SLC35F3: variants seen among roughly 807,000 people sequenced by gnomAD.
The protein encoded by SLC35F3 is putative thiamine transporter SLC35F3.
In SLC35F3, 25 loss-of-function variants were observed where a neutral mutation model predicts 49.9. The ratio of observed to expected loss-of-function variants is 0.50; its 90% CI spans 0.37 to 0.70. SLC35F3 has a LOEUF of 0.70. SLC35F3 is among the 30% of genes least tolerant of loss of function. SLC35F3 has a pLI of 0.00. For missense variants in SLC35F3, 525 were observed against 639.8 expected (o/e 0.82, Z 1.94); for synonymous variants, 275 against 265.4 (o/e 1.04, Z -0.35).
At position 233,904,789 on chromosome 1, in the gene SLC35F3, G is replaced by C. The variant is rs1226915313; in HGVS notation, c.-289G>C. On this transcript the variant is annotated 5_prime_UTR_variant, in exon 1 of 8. Coordinates refer to ENST00000366618, the MANE Select transcript of SLC35F3 (RefSeq NM_173508.4). ...GTGCTAGGGCGGCGGCGACGGTGAC[G>C]GGCGTGGGGCGCGGCGCTGCCTCGG... 1.2e-5 allele frequency: 2 copies of C among 161,782 alleles called. No homozygotes were observed. The highest frequency in any genetic ancestry group is 2.7e-5 in the Non-Finnish European group (2 of 74,998). The allele number at this position is 161,782 out of a possible 1,614,324, so 10.0% of individuals were successfully genotyped here. A position where few individuals can be genotyped will look rare whatever the true frequency, so the allele number is the denominator to read the frequency against.
At chr1:234,021,795 C>T (rs1198439569) in intron 2 of SLC35F3, among the ~76,000 whole-genome samples, 1 of 152,146 alleles carries the variant, frequency 6.6e-6, no homozygotes, top group African/African-American at 2.4e-5. Context: ...TAATTTCCCC[C>T]CATCTTAGGA....
At position 233,906,383 on chromosome 1, in the gene SLC35F3, C is replaced by T. The variant is rs61235200; in HGVS notation, c.283+625C>T. 3.8e-3 allele frequency among the ~76,000 whole-genome samples: 575 copies of T among 152,214 alleles called. 32 individuals carry two copies. The East Asian group carries it at 0.092, about 24-fold the overall frequency. On this transcript the variant is annotated intron_variant, in intron 2 of 7. Coordinates refer to ENST00000366618, the MANE Select transcript of SLC35F3 (RefSeq NM_173508.4). Reference sequence around the variant, plus strand: ...GGAGAAGCTGAAATGTTTTTCTTTCCGTGGGTCCTAGCTAATGGCTTTGAG... The same window carrying T: ...GGAGAAGCTGAAATGTTTTTCTTTCTGTGGGTCCTAGCTAATGGCTTTGAG...
chr1:234,322,715 C>G (rs1657654124), intron 7 of SLC35F3, among the ~76,000 whole-genome samples: 1 of 151,084 alleles, frequency 6.6e-6, no homozygotes, highest in Non-Finnish European at 1.5e-5. Flanking sequence ...CCTCAACTGC[C>G]CTTCATTCAC....
intron 2 of SLC35F3, among the ~76,000 whole-genome samples, chr1:234,038,496 G>A (rs1664176694): frequency 6.6e-6 from 1 of 151,914 alleles, no homozygotes; most frequent in Admixed American, 6.6e-5. Flanking sequence ...GGATGGCTGG[G>A]TCAAATGGTA....
At chr1:233,955,157 G>GA (rs538734310) in intron 2 of SLC35F3, among the ~76,000 whole-genome samples, 106 of 152,106 alleles carry the variant, frequency 7.0e-4, no homozygotes, top group African/African-American at 1.2e-3. Context: ...CTTCTTATGT[G>GA]AAAAAAATCA....
intron 3 of SLC35F3, among the ~76,000 whole-genome samples, chr1:234,250,479 C>G (rs1189340726): frequency 1.3e-5 from 2 of 151,682 alleles, no homozygotes; most frequent in Non-Finnish European, 2.9e-5. Context: ...ACGGTGAAAC[C>G]CCGTCTCTAC....
intron 2 of SLC35F3, among the ~76,000 whole-genome samples, chr1:234,162,420 A>G (rs1180043030): frequency 6.7e-6 from 1 of 149,012 alleles, no homozygotes; most frequent in East Asian, 2.0e-4. Flanking sequence ...AGCAATCTTT[A>G]ACAGAAGGTG....
chr1:233,966,493 C>A (rs1367129281), intron 2 of SLC35F3, among the ~76,000 whole-genome samples: 1 of 152,074 alleles, frequency 6.6e-6, no homozygotes, highest in African/African-American at 2.4e-5. Context: ...AATCAGATTT[C>A]ATCTGGATGG....
At chr1:234,206,395 C>T (rs1371903500) in intron 2 of SLC35F3, among the ~76,000 whole-genome samples, 2 of 149,896 alleles carry the variant, frequency 1.3e-5, no homozygotes, top group Non-Finnish European at 3.0e-5. Context: ...CAGAGGCATC[C>T]GGCACCCAAA....
chr1:234,068,263 A>C (rs935799813), intron 2 of SLC35F3, among the ~76,000 whole-genome samples: 1 of 152,200 alleles, frequency 6.6e-6, no homozygotes, highest in East Asian at 1.9e-4. Context: ...ACGCACCTCA[A>C]ACTTTCAGAA....
chr1:234,144,719 G>A (rs1255004966), intron 2 of SLC35F3, among the ~76,000 whole-genome samples: 1 of 152,186 alleles, frequency 6.6e-6, no homozygotes, highest in African/African-American at 2.4e-5. Context: ...TGGGGATACA[G>A]AGATGAATAA....
chr1:234,293,620 T>A (rs541966478), intron 3 of SLC35F3, among the ~76,000 whole-genome samples: 4 of 150,992 alleles, frequency 2.6e-5, no homozygotes, highest in African/African-American at 9.8e-5. Context: ...GGTCTGGATG[T>A]AGGCAGTTCT....
chr1:234,172,238 C>CTATT (rs1213238188), intron 2 of SLC35F3, among the ~76,000 whole-genome samples: 11 of 152,122 alleles, frequency 7.2e-5, no homozygotes, highest in Non-Finnish European at 1.3e-4. Flanking sequence ...TATTTTTTAA[C>CTATT]TATTTATTTA....
At chr1:234,069,014 C>CTACATATAATATATAAAATTATATAATTT (rs2102866681) in intron 2 of SLC35F3, among the ~76,000 whole-genome samples, 1 of 46,894 alleles carries the variant, frequency 2.1e-5, no homozygotes, top group African/African-American at 9.3e-5. Context: ...TATAATTTTA[C>CTACATATAATATATAAAATTATATAATTT]TATATATAAT....
intron 2 of SLC35F3, among the ~76,000 whole-genome samples, chr1:233,963,523 G>A (rs57642578): frequency 0.027 from 4,079 of 151,996 alleles, 175 homozygotes; most frequent in African/African-American, 0.091. Flanking sequence ...GGATGGTCTC[G>A]ATCTCCTGAT....
intron 2 of SLC35F3, among the ~76,000 whole-genome samples, chr1:233,991,532 A>G (rs986329608): frequency 3.9e-5 from 6 of 152,164 alleles, no homozygotes; most frequent in Admixed American, 1.3e-4. Context: ...AGAGTGTTCA[A>G]TTCCTCCTTT....
At chr1:234,080,495 A>T (rs1419343180) in intron 2 of SLC35F3, among the ~76,000 whole-genome samples, 3 of 152,212 alleles carry the variant, frequency 2.0e-5, no homozygotes, top group Non-Finnish European at 4.4e-5. Flanking sequence ...CCAACTGATG[A>T]ATGAATAAAC....
chr1:234,111,891 T>TCC (rs942947039), intron 2 of SLC35F3, among the ~76,000 whole-genome samples: 1 of 152,238 alleles, frequency 6.6e-6, no homozygotes, highest in Non-Finnish European at 1.5e-5. Flanking sequence ...GTTGGCCTTG[T>TCC]CCTTCTGTAT....
At chr1:234,054,179 T>C (rs1262817159) in intron 2 of SLC35F3, among the ~76,000 whole-genome samples, 2 of 152,240 alleles carry the variant, frequency 1.3e-5, no homozygotes, top group Non-Finnish European at 2.9e-5. Flanking sequence ...TGAATTTGAA[T>C]GTTGGCCTGC....
Sources: gnomAD v4.1 joint callset for allele counts (sites outside exome capture counted in the v4.1 genomes callset) on GRCh38, gnomAD v4.1.1 for gene constraint, MANE v1.5 for transcripts, NCBI Gene and HGNC (gene_info 2026-07-23, HGNC 2026-07-21) for gene names.